Variants in AVEN observed in about 807,000 individuals in gnomAD.
AVEN encodes the protein apoptosis and caspase activation inhibitor, also known as cell death regulator Aven.
Under a neutral mutation model 38.1 loss-of-function variants are expected in AVEN, and 41 were observed. That is an observed-to-expected ratio of 1.08 (90% confidence interval 0.84 to 1.40). AVEN has a LOEUF of 1.40. Among genes scored for constraint, AVEN ranks in the 40% most tolerant of loss-of-function variants. AVEN has a pLI of 0.00. For missense variants in AVEN, 605 were observed against 438.8 expected, an observed-to-expected ratio of 1.38 and a Z score of -3.38; for synonymous variants, 206 against 171.8, an observed-to-expected ratio of 1.20 and a Z score of -1.56.
chr15:33,957,661 G>C (rs367625010), intron 2 of AVEN, among the ~76,000 whole-genome samples: 6 of 151,816 alleles, frequency 4.0e-5, no homozygotes, highest in Non-Finnish European at 8.8e-5. Context: ...GCTAGTCAGC[G>C]GGTAAAAAGG....
At chr15:33,984,113 A>C (rs1490388844) in intron 2 of AVEN, among the ~76,000 whole-genome samples, 1 of 152,102 alleles carries the variant, frequency 6.6e-6, no homozygotes, top group Non-Finnish European at 1.5e-5. Flanking sequence ...TCAGTGGAAA[A>C]AATTGGAGAA....
chr15:33,923,311 A>G (rs1241311338), intron 2 of AVEN, among the ~76,000 whole-genome samples: 1 of 152,248 alleles, frequency 6.6e-6, no homozygotes, highest in Non-Finnish European at 1.5e-5. Context: ...TTTAACTCCT[A>G]TAATTTTAAT....
At chr15:33,977,029 G>C (rs1026063613) in intron 2 of AVEN, among the ~76,000 whole-genome samples, 2 of 152,096 alleles carry the variant, frequency 1.3e-5, no homozygotes, top group Non-Finnish European at 2.9e-5. Context: ...TGGTCACAAT[G>C]GCATGAATTA....
chr15:34,068,496 C>G (rs954085902), intron 2 of AVEN, among the ~76,000 whole-genome samples: 1 of 152,046 alleles, frequency 6.6e-6, no homozygotes, highest in Non-Finnish European at 1.5e-5. Flanking sequence ...CAGGAACCAC[C>G]GCGTCTGACC....
chr15:33,889,491 C>T (rs967045181), intron 2 of AVEN, among the ~76,000 whole-genome samples: 18 of 152,134 alleles, frequency 1.2e-4, no homozygotes, highest in African/African-American at 4.1e-4. Context: ...CATAATGTCC[C>T]TTGAATACAC....
intron 2 of AVEN, among the ~76,000 whole-genome samples, chr15:33,969,474 G>T (rs1256569761): frequency 6.6e-6 from 1 of 151,490 alleles, no homozygotes; most frequent in Non-Finnish European, 1.5e-5. Flanking sequence ...GCCATTCACA[G>T]ATAATGTTTA....
intron 2 of AVEN, among the ~76,000 whole-genome samples, chr15:33,882,547 A>G (rs1891532265): frequency 7.8e-6 from 1 of 127,694 alleles, no homozygotes; most frequent in South Asian, 2.5e-4. Flanking sequence ...AATTGTGTGA[A>G]GAAGCAAAAA....
chr15:33,993,298 G>T (rs1170413535), intron 2 of AVEN, among the ~76,000 whole-genome samples: 2 of 152,190 alleles, frequency 1.3e-5, no homozygotes, highest in Non-Finnish European at 2.9e-5. Context: ...CCAAAGGCAT[G>T]ATTATCTCTT....
At chr15:33,871,642 C>G (rs954843112) in intron 3 of AVEN, among the ~76,000 whole-genome samples, 1 of 151,992 alleles carries the variant, frequency 6.6e-6, no homozygotes, top group African/African-American at 2.4e-5. Flanking sequence ...GAAAGAAAAG[C>G]AAGCATTTAA....
intron 3 of AVEN, 67 bp downstream of exon 3, chr15:33,875,858 C>T (rs1376993518): frequency 4.3e-6 from 6 of 1,405,034 alleles, no homozygotes; most frequent in East Asian, 4.6e-5. Flanking sequence ...ATCTCAAGAA[C>T]GTAAAAGGTG....
At chr15:33,925,432 T>G (rs1893573191) in intron 2 of AVEN, among the ~76,000 whole-genome samples, 1 of 152,212 alleles carries the variant, frequency 6.6e-6, no homozygotes, top group Admixed American at 6.5e-5. Flanking sequence ...GACACTTTGG[T>G]TGAAGAAATG....
chr15:33,945,618 G>A (rs149594777), intron 2 of AVEN, among the ~76,000 whole-genome samples: 2,875 of 151,898 alleles, frequency 0.019, 43 homozygotes, highest in Non-Finnish European at 0.026. Context: ...ATGGAGTCTC[G>A]CTCTGTCACC....
Position 33,859,481 on chromosome 15 carries a change from CCA to C in AVEN, n.2730-389_2730-388del, listed in dbSNP as rs1597096060. 4.1e-6 allele frequency: 6 copies of C among 1,448,092 alleles called. No individual in the cohort carries two copies. In the East Asian group the frequency reaches 1.4e-4, roughly 33 times the overall value. The allele number at this position is 1,448,092 out of a possible 1,614,324, so 89.7% of individuals were successfully genotyped here. ...GTTCCCCTCTCGTGGCTTAGGGCTG[CCA>C]CAATCTGACCGAATCATATGAATGA... On this transcript the variant is annotated intron_variant and non_coding_transcript_variant, in intron 11 of 11. Coordinates refer to the AVEN transcript ENST00000675287.
At chr15:33,947,835 T>C (rs781236289) in intron 2 of AVEN, among the ~76,000 whole-genome samples, 3 of 152,202 alleles carry the variant, frequency 2.0e-5, no homozygotes, top group Non-Finnish European at 4.4e-5. Context: ...CAGACTCCCT[T>C]TGAAAGTCAT....
At chr15:33,854,786 G>T, downstream of AVEN, 1 of 1,611,520 alleles carries the variant, frequency 6.2e-7, no homozygotes, top group Non-Finnish European at 8.5e-7. Context: ...ACCTTGCCTG[G>T]TATACAACCA....
downstream of AVEN, chr15:33,857,914 G>A (rs755938996): frequency 1.2e-5 from 20 of 1,613,644 alleles, no homozygotes; most frequent in East Asian, 4.5e-5. Context: ...ACATGATGAC[G>A]GTGAGAGCCC....
intron 5 of AVEN, among the ~76,000 whole-genome samples, chr15:34,044,869 T>C (rs1899628772): frequency 6.6e-6 from 1 of 152,004 alleles, no homozygotes; most frequent in Non-Finnish European, 1.5e-5. Flanking sequence ...GCTAATAGGG[T>C]GAAACCCCGT....
intron 2 of AVEN, among the ~76,000 whole-genome samples, chr15:33,923,743 A>G (rs605286): frequency 0.7 from 106,637 of 151,772 alleles, 37,668 homozygotes; most frequent in East Asian, 0.8. Flanking sequence ...AGCAGGAGGT[A>G]AGTGGCAAGG....
chr15:34,006,838 G>A (rs1597341177), intron 1 of AVEN, among the ~76,000 whole-genome samples: 6 of 152,276 alleles, frequency 3.9e-5, no homozygotes, highest in African/African-American at 1.4e-4. Context: ...ACTGAAAGAT[G>A]TATCTTAAAA....
Sources: allele counts gnomAD v4.1 joint callset (sites outside exome capture counted in the v4.1 genomes callset), GRCh38; gene constraint gnomAD v4.1.1; transcripts MANE v1.5; gene names NCBI Gene and HGNC (gene_info 2026-07-23, HGNC 2026-07-21).